The following RBM6 variants were observed in gnomAD, a reference collection of about 807,000 sequenced individuals.
RBM6 encodes RNA binding motif protein 6.
In RBM6, 23 loss-of-function variants were observed where a neutral mutation model predicts 140.4. The observed-to-expected ratio is 0.16, with a 90% CI of 0.12 to 0.23. The LOEUF (loss-of-function observed/expected upper bound fraction) is 0.23, where lower values mean the gene tolerates loss of function less well. Among genes scored for constraint, RBM6 ranks in the 10% least tolerant of loss-of-function variants. The probability of loss-of-function intolerance (pLI) is 1.00; values close to 1 mark genes in which losing one functional copy is unlikely to be tolerated. For synonymous variants in RBM6, 439 were observed against 475.6 expected (o/e 0.92, Z 1.00); for missense variants, 1,139 against 1,386.7 (o/e 0.82, Z 2.84).
At chr3:50,076,924 G>A in intron 20 of RBM6, 84 bp from the exon 21 acceptor site, 4 of 1,368,724 alleles carry the variant, frequency 2.9e-6, no homozygotes, top group Non-Finnish European at 3.9e-6. Context: ...CTTCTTACTA[G>A]TCCAGAAATG....
intron 11 of RBM6, 81 bp from the exon 12 acceptor site, chr3:50,060,874 TC>T: frequency 7.1e-7 from 1 of 1,404,908 alleles, no homozygotes; most frequent in Non-Finnish European, 9.5e-7. Flanking sequence ...ACAGAGGATT[TC>T]TCGATAGGAA....
At chr3:50,075,685 A>C (rs2090438760) in intron 20 of RBM6, among the ~76,000 whole-genome samples, 1 of 152,200 alleles carries the variant, frequency 6.6e-6, no homozygotes, top group Non-Finnish European at 1.5e-5. Flanking sequence ...AGGGACTGTC[A>C]GCGGAAGTCT....
At chr3:49,970,623 T>G (rs1559538592) in intron 3 of RBM6, among the ~76,000 whole-genome samples, 4 of 152,212 alleles carry the variant, frequency 2.6e-5, no homozygotes, top group Admixed American at 2.0e-4. Context: ...GTAATTAACT[T>G]AAATGTTAAA....
At chr3:49,987,446 G>T (rs2085614273) in intron 5 of RBM6, among the ~76,000 whole-genome samples, 1 of 151,796 alleles carries the variant, frequency 6.6e-6, no homozygotes, top group Admixed American at 6.6e-5. Flanking sequence ...TTCCCGAGTA[G>T]CTGGGATTAC....
intron 6 of RBM6, among the ~76,000 whole-genome samples, chr3:50,043,664 A>G (rs929266258): frequency 1.3e-5 from 2 of 150,246 alleles, no homozygotes; most frequent in Non-Finnish European, 3.0e-5. Flanking sequence ...GCTCACTGCA[A>G]CCTCTGACTT....
chr3:50,023,168 G>C (rs559135631), intron 6 of RBM6, among the ~76,000 whole-genome samples: 28 of 152,160 alleles, frequency 1.8e-4, no homozygotes, highest in African/African-American at 6.5e-4. Context: ...GTTTTCCCAA[G>C]AATTTATCCC....
At chr3:50,061,338 G>A in intron 13 of RBM6, 117 bp downstream of exon 13, 1 of 1,587,660 alleles carries the variant, frequency 6.3e-7, no homozygotes, top group South Asian at 1.1e-5. Context: ...TGCTCATCCA[G>A]AGAGAGGCAT....
chr3:50,002,754 A>G (rs2086399212), intron 6 of RBM6, among the ~76,000 whole-genome samples: 2 of 152,232 alleles, frequency 1.3e-5, no homozygotes, highest in Non-Finnish European at 2.9e-5. Flanking sequence ...TAATAAAACT[A>G]ATTCTTTAAG....
rs564143149 is a variant in RBM6, at chr3:49,974,525, C to T, written c.1414-798C>T. Among the ~76,000 whole-genome samples, 18 of 151,746 alleles carry T rather than the reference C, an allele frequency of 1.2e-4. No homozygotes were observed. The East Asian group carries it at 3.3e-3, about 28-fold the overall frequency. ...TAGCTGGGACTACAGGTGCCCGCCA[C>T]CACGCCTGGCTAATTTCTTGTATTT... On this transcript the variant is annotated intron_variant, in intron 4 of 20. Coordinates refer to ENST00000266022, the MANE Select transcript of RBM6 (RefSeq NM_005777.3).
chr3:49,971,332 C>T (rs2084783691), intron 3 of RBM6, among the ~76,000 whole-genome samples: 1 of 148,968 alleles, frequency 6.7e-6, no homozygotes, highest in African/African-American at 2.5e-5. Flanking sequence ...GTAATCCCAA[C>T]TACTTGGGAG....
chr3:50,025,967 G>A lies in RBM6; in HGVS notation c.1558-22278G>A, dbSNP rs1158941161. ...AAATTAGCTGGGTGTGGTGGCAGAC[G>A]CCTGTAATCCCAGCTACTCAGGAGG... On this transcript the variant is annotated intron_variant, in intron 6 of 20. Coordinates refer to ENST00000266022, the MANE Select transcript of RBM6 (RefSeq NM_005777.3). Among the ~76,000 whole-genome samples, 4 of 152,172 alleles carry A rather than the reference G, an allele frequency of 2.6e-5. No individual in the cohort carries two copies. The East Asian group carries it at 7.8e-4, about 30-fold the overall frequency.
intron 1 of RBM6, among the ~76,000 whole-genome samples, chr3:49,949,322 A>G (rs1266011384): frequency 1.3e-5 from 2 of 151,856 alleles, no homozygotes; most frequent in South Asian, 2.1e-4. Context: ...ATCAAAGAAA[A>G]CACTTCATTT....
chr3:50,004,519 C>T (rs2086490263), intron 6 of RBM6, among the ~76,000 whole-genome samples: 1 of 149,728 alleles, frequency 6.7e-6, no homozygotes, highest in African/African-American at 2.5e-5. Flanking sequence ...TGCAACATTC[C>T]CCAGGCTGGT....
intron 6 of RBM6, among the ~76,000 whole-genome samples, chr3:50,020,896 CATT>C (rs1207043952): frequency 6.6e-6 from 1 of 152,166 alleles, no homozygotes; most frequent in Non-Finnish European, 1.5e-5. Flanking sequence ...ACTGAGATGT[CATT>C]ATACAGCATC....
At chr3:49,973,695 C>T (rs1311648438) in intron 4 of RBM6, among the ~76,000 whole-genome samples, 1 of 142,396 alleles carries the variant, frequency 7.0e-6, no homozygotes, top group African/African-American at 2.7e-5. Flanking sequence ...AAGAGATTCT[C>T]CTGCCTCAGC....
At chr3:49,955,058 C>CATGTTTTTAAAACATG (rs2083910646) in intron 1 of RBM6, among the ~76,000 whole-genome samples, 1 of 151,866 alleles carries the variant, frequency 6.6e-6, no homozygotes, top group African/African-American at 2.4e-5. Flanking sequence ...CGCACCCGGC[C>CATGTTTTTAAAACATG]TTGCACATGT....
At chr3:50,060,287 C>G (rs555031728) in intron 11 of RBM6, among the ~76,000 whole-genome samples, 1 of 152,284 alleles carries the variant, frequency 6.6e-6, no homozygotes, top group East Asian at 1.9e-4. Flanking sequence ...ATTTCCATAG[C>G]ACTGGGAAAT....
chr3:50,066,203 G>A lies in RBM6; in HGVS notation c.2683-39G>A, dbSNP rs114553143. 1.4e-3 allele frequency: 2,136 copies of A among 1,564,892 alleles called. 28 individuals are homozygous for A. In the African/African-American group the frequency reaches 0.026, roughly 19 times the overall value. On this transcript the variant is annotated intron_variant, in intron 16 of 20. Coordinates refer to ENST00000266022, the MANE Select transcript of RBM6 (RefSeq NM_005777.3). ...CAAAAAAAATGGACCCCAAAATATAGGTTGAATTTGGTATTGATCCCTGGC... is the reference window on the plus strand; with the variant it reads ...CAAAAAAAATGGACCCCAAAATATAAGTTGAATTTGGTATTGATCCCTGGC...
intron 5 of RBM6, among the ~76,000 whole-genome samples, chr3:49,989,796 T>C (rs542008883): frequency 6.6e-6 from 1 of 152,168 alleles, no homozygotes; most frequent in East Asian, 1.9e-4. Context: ...CAGGCTGGAG[T>C]GGTGCAGTGG....
Sources: allele counts gnomAD v4.1 joint callset (sites outside exome capture counted in the v4.1 genomes callset), GRCh38; gene constraint gnomAD v4.1.1; transcripts MANE v1.5; gene names NCBI Gene and HGNC (gene_info 2026-07-23, HGNC 2026-07-21).